GRID1: variants seen among roughly 807,000 people sequenced by gnomAD.
The protein encoded by GRID1 is glutamate ionotropic receptor delta type subunit 1.
Under a neutral mutation model 98.0 loss-of-function variants are expected in GRID1, and 28 were observed. The ratio of observed to expected loss-of-function variants is 0.29; its 90% CI spans 0.21 to 0.39. GRID1 has a LOEUF of 0.39. Among genes scored for constraint, GRID1 ranks in the 10% least tolerant of loss-of-function variants. GRID1 has a pLI of 1.00. For missense variants in GRID1, 1,111 were observed against 1,340.5 expected (o/e 0.83, Z 2.67); for synonymous variants, 553 against 538.5 (o/e 1.03, Z -0.37).
At chr10:86,039,044 C>T (rs1843310165) in intron 4 of GRID1, among the ~76,000 whole-genome samples, 1 of 152,162 alleles carries the variant, frequency 6.6e-6, no homozygotes, top group African/African-American at 2.4e-5. Flanking sequence ...ATATCCCTAC[C>T]ACCACTTCTT....
intron 4 of GRID1, among the ~76,000 whole-genome samples, chr10:86,123,758 C>A (rs1026469628): frequency 6.6e-6 from 1 of 152,218 alleles, no homozygotes; most frequent in Non-Finnish European, 1.5e-5. Context: ...CAAGGAGAGT[C>A]CTTGGAGCAG....
chr10:85,938,363 AC>A (rs1841954321), intron 4 of GRID1, among the ~76,000 whole-genome samples: 1 of 152,224 alleles, frequency 6.6e-6, no homozygotes, highest in Non-Finnish European at 1.5e-5. Flanking sequence ...TCTTGCCCTG[AC>A]TTTCAATACA....
At chr10:85,999,441 G>C (rs1302487180) in intron 4 of GRID1, among the ~76,000 whole-genome samples, 1 of 152,102 alleles carries the variant, frequency 6.6e-6, no homozygotes, top group Non-Finnish European at 1.5e-5. Flanking sequence ...ATAGAAGAGA[G>C]AGGTACACTC....
chr10:86,096,926 C>T (rs999143278), intron 4 of GRID1, among the ~76,000 whole-genome samples: 1 of 152,196 alleles, frequency 6.6e-6, no homozygotes, highest in African/African-American at 2.4e-5. Context: ...CTTACCATTA[C>T]CCCAAGTGAC....
At chr10:85,735,843 A>G (rs1157246045) in intron 8 of GRID1, among the ~76,000 whole-genome samples, 2 of 142,190 alleles carry the variant, frequency 1.4e-5, no homozygotes, top group Non-Finnish European at 3.1e-5. Flanking sequence ...GAAAGAAGGA[A>G]GGGAGGAAGG....
At chr10:85,789,754 ACAGT>A (rs1391260357) in intron 8 of GRID1, among the ~76,000 whole-genome samples, 6 of 152,164 alleles carry the variant, frequency 3.9e-5, no homozygotes, top group Admixed American at 2.0e-4. Flanking sequence ...TAGGGGCCTC[ACAGT>A]CAGGGTAGCA....
At chr10:86,238,209 A>G (rs148127220) in intron 2 of GRID1, among the ~76,000 whole-genome samples, 519 of 152,378 alleles carry the variant, frequency 3.4e-3, no homozygotes, top group African/African-American at 0.011. Context: ...AAATGCCTCA[A>G]AGGCATTTCA....
intron 4 of GRID1, among the ~76,000 whole-genome samples, chr10:86,057,479 T>A: frequency 6.6e-6 from 1 of 152,184 alleles, no homozygotes; most frequent in East Asian, 1.9e-4. Flanking sequence ...TCTCTGTTCT[T>A]AAATAAAGAT....
intron 2 of GRID1, among the ~76,000 whole-genome samples, chr10:86,337,147 G>C (rs985527358): frequency 6.6e-6 from 1 of 151,532 alleles, no homozygotes; most frequent in Non-Finnish European, 1.5e-5. Context: ...CACGGTGCCC[G>C]GCCAGCCTGG....
chr10:85,710,937 T>C (rs1841575252), intron 12 of GRID1, among the ~76,000 whole-genome samples: 1 of 152,004 alleles, frequency 6.6e-6, no homozygotes, highest in African/African-American at 2.4e-5. Context: ...AAATGGCTAT[T>C]TAAAAAAACA....
At chr10:86,250,321 GT>G (rs1237104485) in intron 2 of GRID1, among the ~76,000 whole-genome samples, 6 of 152,192 alleles carry the variant, frequency 3.9e-5, no homozygotes, top group Non-Finnish European at 5.9e-5. Flanking sequence ...TCAACATTAA[GT>G]TTTCCCCTCC....
At chr10:86,087,821 G>A (rs1044229446) in intron 4 of GRID1, among the ~76,000 whole-genome samples, 6 of 151,868 alleles carry the variant, frequency 4.0e-5, no homozygotes, top group East Asian at 3.9e-4. Context: ...AGACCCCACC[G>A]TGCAAAGGCA....
In GRID1 at chr10:85,923,329, A is replaced by G. The variant is rs140972815; in HGVS notation, c.727-7090T>C. 8.7e-4 allele frequency among the ~76,000 whole-genome samples: 133 copies of G among 152,320 alleles called. 1 individual carries two copies. Among genetic ancestry groups the G allele is most frequent in the African/African-American group, 3.0e-3 (124 of 41,580 alleles). The stretch of plus-strand genomic sequence containing the variant: ...AGGCAATCACTCCCAGCTCTAGGAA[A>G]GCCATCTGAGAAAGCTGTATCAGAA... On this transcript the variant is annotated intron_variant, in intron 4 of 15. Transcript: ENST00000327946.
chr10:85,670,524 C>T (rs1020686170), intron 12 of GRID1, among the ~76,000 whole-genome samples: 10 of 152,160 alleles, frequency 6.6e-5, no homozygotes, highest in Non-Finnish European at 1.5e-4. Context: ...AAAATGGCAC[C>T]TAGACCCAAA....
chr10:85,777,743 A>T (rs1842345468), intron 8 of GRID1, among the ~76,000 whole-genome samples: 1 of 152,244 alleles, frequency 6.6e-6, no homozygotes, highest in East Asian at 1.9e-4. Flanking sequence ...GGACTCTCCC[A>T]GTTTTCGCAG....
intron 4 of GRID1, among the ~76,000 whole-genome samples, chr10:85,997,882 T>C (rs1009573364): frequency 6.6e-5 from 10 of 152,128 alleles, no homozygotes; most frequent in African/African-American, 1.4e-4. Context: ...GAAAAACATA[T>C]TGTGGAAACA....
At chr10:85,706,213 G>A (rs889770537) in intron 12 of GRID1, among the ~76,000 whole-genome samples, 19 of 152,052 alleles carry the variant, frequency 1.2e-4, no homozygotes, top group African/African-American at 3.1e-4. Flanking sequence ...CTAGAAAACC[G>A]CATCGTCTCA....
chr10:86,204,218 T>C (rs1845994254), intron 3 of GRID1, among the ~76,000 whole-genome samples: 1 of 152,264 alleles, frequency 6.6e-6, no homozygotes, highest in African/African-American at 2.4e-5. Context: ...CTTGTCCTTC[T>C]CCCCATTCCT....
At chr10:85,924,925 G>A (rs1195418898) in intron 4 of GRID1, among the ~76,000 whole-genome samples, 1 of 152,190 alleles carries the variant, frequency 6.6e-6, no homozygotes, top group Non-Finnish European at 1.5e-5. Flanking sequence ...GATCATTTGT[G>A]GATCCTTCAG....
Sources: allele counts gnomAD v4.1 joint callset (sites outside exome capture counted in the v4.1 genomes callset), GRCh38; gene constraint gnomAD v4.1.1; transcripts MANE v1.5; gene names NCBI Gene and HGNC (gene_info 2026-07-23, HGNC 2026-07-21).